The following TMEM266 variants were observed in gnomAD, a reference collection of about 807,000 sequenced individuals.
TMEM266 encodes Hv1 related protein 1.
Under a neutral mutation model 50.5 loss-of-function variants are expected in TMEM266, and 33 were observed. The ratio of observed to expected loss-of-function variants is 0.65; its 90% CI spans 0.50 to 0.87. The LOEUF (loss-of-function observed/expected upper bound fraction) is 0.87. Ranked by LOEUF, TMEM266 falls within the 40% of genes least tolerant of loss-of-function variation. TMEM266 has a pLI of 0.00. For missense variants in TMEM266, 655 were observed against 695.1 expected (o/e 0.94, Z 0.65); for synonymous variants, 310 against 292.3 (o/e 1.06, Z -0.62).
At chr15:76,159,913 C>T (rs1338390843) in intron 4 of TMEM266, among the ~76,000 whole-genome samples, 182 bp from the exon 5 acceptor site, 1 of 152,184 alleles carries the variant, frequency 6.6e-6, no homozygotes, top group Non-Finnish European at 1.5e-5. Flanking sequence ...AAATGTCCTA[C>T]TGCCTTCACT....
chr15:76,176,430 A>C (rs970459462), intron 8 of TMEM266: 2 of 153,062 alleles, frequency 1.3e-5, no homozygotes, highest in East Asian at 3.8e-4. Context: ...AGAGCTCTGT[A>C]GAAGTGCAGC....
intron 3 of TMEM266, among the ~76,000 whole-genome samples, chr15:76,150,842 C>T (rs942027261): frequency 1.3e-5 from 2 of 152,152 alleles, no homozygotes; most frequent in Admixed American, 6.5e-5. Flanking sequence ...AAGCCTCTGC[C>T]GGAAGTTTGT....
intron 1 of TMEM266, among the ~76,000 whole-genome samples, chr15:76,117,217 C>A (rs1318351153): frequency 6.6e-6 from 1 of 151,828 alleles, no homozygotes; most frequent in Non-Finnish European, 1.5e-5. Context: ...CAGGGTCTTA[C>A]ACTTGATGCA....
At chr15:76,103,842 GT>G (rs1415986228) in intron 1 of TMEM266, among the ~76,000 whole-genome samples, 39 of 151,614 alleles carry the variant, frequency 2.6e-4, no homozygotes, top group African/African-American at 9.0e-4. Flanking sequence ...AATCTGGGAG[GT>G]GGAGGTTGCA....
chr15:76,061,798 C>T (rs2141977686), intron 1 of TMEM266, among the ~76,000 whole-genome samples: 1 of 152,298 alleles, frequency 6.6e-6, no homozygotes, highest in East Asian at 1.9e-4. Context: ...TCCCATTTTC[C>T]ATTATCGCAT....
intron 4 of TMEM266, among the ~76,000 whole-genome samples, chr15:76,159,156 A>G (rs1025827047): frequency 6.6e-6 from 1 of 152,142 alleles, no homozygotes; most frequent in Non-Finnish European, 1.5e-5. Flanking sequence ...GTATCCCACC[A>G]GTATTTCTTT....
At chr15:76,124,834 A>G (rs993277230) in intron 1 of TMEM266, among the ~76,000 whole-genome samples, 1 of 152,272 alleles carries the variant, frequency 6.6e-6, no homozygotes, top group Admixed American at 6.5e-5. Context: ...TTTCACAGAA[A>G]AAAAAAAATT....
At chr15:76,162,282 A>G (rs528984309) in intron 5 of TMEM266, among the ~76,000 whole-genome samples, 6 of 152,356 alleles carry the variant, frequency 3.9e-5, no homozygotes, top group African/African-American at 1.4e-4. Context: ...GGGCCGGTGC[A>G]TGGAGATCGA....
chr15:76,129,828 CATA>C (rs1390653442), intron 1 of TMEM266, among the ~76,000 whole-genome samples: 1 of 151,982 alleles, frequency 6.6e-6, no homozygotes, highest in African/African-American at 2.4e-5. Context: ...TCATATTAAT[CATA>C]ATGTGTGGCC....
chr15:76,077,132 T>G (rs2036618720), intron 1 of TMEM266, among the ~76,000 whole-genome samples: 2 of 151,938 alleles, frequency 1.3e-5, no homozygotes. Context: ...ACCTGGCTAA[T>G]TTTTGTATTT....
intron 4 of TMEM266, among the ~76,000 whole-genome samples, chr15:76,158,899 T>C (rs2037969125): frequency 6.6e-6 from 1 of 152,212 alleles, no homozygotes; most frequent in Admixed American, 6.5e-5. Flanking sequence ...GGCTACGCTC[T>C]GTGACTTGAT....
At chr15:76,120,835 G>A (rs2142019057) in intron 1 of TMEM266, among the ~76,000 whole-genome samples, 1 of 150,876 alleles carries the variant, frequency 6.6e-6, no homozygotes, top group South Asian at 2.1e-4. Context: ...GCATGCATAT[G>A]TATATTAAGG....
At chr15:76,178,230 G>A (rs544133040) in intron 8 of TMEM266, among the ~76,000 whole-genome samples, 4 of 152,264 alleles carry the variant, frequency 2.6e-5, no homozygotes, top group East Asian at 1.9e-4. Context: ...TCTGGCTGCC[G>A]TTGGAGGCTG....
intron 1 of TMEM266, among the ~76,000 whole-genome samples, chr15:76,065,736 A>G (rs1313187607): frequency 2.0e-5 from 3 of 152,124 alleles, no homozygotes; most frequent in Non-Finnish European, 2.9e-5. Context: ...TTTTTTTATC[A>G]TATAACTTCC....
intron 1 of TMEM266, among the ~76,000 whole-genome samples, chr15:76,124,324 G>A (rs2037387502): frequency 6.6e-6 from 1 of 152,214 alleles, no homozygotes; most frequent in Non-Finnish European, 1.5e-5. Context: ...CAGGGGCATG[G>A]AAGGATGAGA....
chr15:76,200,756 G>A (rs2038733253), intron 9 of TMEM266, among the ~76,000 whole-genome samples: 1 of 152,202 alleles, frequency 6.6e-6, no homozygotes, highest in African/African-American at 2.4e-5. Context: ...AGTACACACA[G>A]CGTATGGATG....
intron 1 of TMEM266, among the ~76,000 whole-genome samples, chr15:76,060,489 A>G (rs1407433028): frequency 6.6e-6 from 1 of 151,610 alleles, no homozygotes; most frequent in East Asian, 1.9e-4. Context: ...GGTCGTGACC[A>G]CTTCCTAGTG....
intron 1 of TMEM266, among the ~76,000 whole-genome samples, chr15:76,074,195 C>A (rs1225126847): frequency 2.0e-5 from 3 of 152,068 alleles, no homozygotes; most frequent in African/African-American, 7.3e-5. Flanking sequence ...ACCTTTTGCA[C>A]CTATCCTTTC....
intron 8 of TMEM266, 46 bp downstream of exon 8, chr15:76,175,720 C>T (rs781622568): frequency 6.7e-7 from 1 of 1,488,674 alleles, no homozygotes; most frequent in Admixed American, 1.7e-5. Flanking sequence ...TTGCTGGGGA[C>T]ACTGGTAGTG....
Sources: gnomAD v4.1 joint callset for allele counts (sites outside exome capture counted in the v4.1 genomes callset) on GRCh38, gnomAD v4.1.1 for gene constraint, MANE v1.5 for transcripts, NCBI Gene and HGNC (gene_info 2026-07-23, HGNC 2026-07-21) for gene names.